The following OR9Q1 variants were observed in gnomAD, a reference collection of about 807,000 sequenced individuals.
The protein encoded by OR9Q1 is olfactory receptor family 9 subfamily Q member 1, also known as olfactory receptor 9Q1.
For missense variants in OR9Q1, 374 were observed against 378.8 expected, an observed-to-expected ratio of 0.99 and a Z score of 0.11; for synonymous variants, 153 against 148.6, an observed-to-expected ratio of 1.03 and a Z score of -0.22.
In OR9Q1 at chr11:58,054,058, T is replaced by C. The variant is rs557891480; in HGVS notation, c.-92-1812T>C. On this transcript the variant is annotated intron_variant, in intron 1 of 2. Coordinates refer to ENST00000335397, the MANE Select transcript of OR9Q1 (RefSeq NM_001005212.4). ...TTAATTAGTTTTATTATGGTAACCA[T>C]TACACAATGTATATGCCTATCAAAT... is the stretch of plus-strand genomic sequence containing the variant. 2.6e-5 allele frequency among the ~76,000 whole-genome samples: 4 copies of C among 152,304 alleles called. No homozygotes were observed. In the South Asian group the frequency reaches 8.3e-4, roughly 32 times the overall value.
In OR9Q1 at chr11:58,082,786, CT is replaced by C. The variant is rs535181024; in HGVS notation, c.-15+26846del. Among the ~76,000 whole-genome samples, 1,179 of 141,874 alleles carry C rather than the reference CT, an allele frequency of 8.3e-3. 14 individuals carry two copies. Among genetic ancestry groups the C allele is most frequent in the African/African-American group, 0.029 (1,105 of 37,628 alleles). The allele number at this position is 141,874 out of a possible 152,430, so 93.1% of individuals were successfully genotyped here. A position where few individuals can be genotyped will look rare whatever the true frequency, so the allele number is the denominator to read the frequency against. On this transcript the variant is annotated intron_variant, in intron 2 of 2. Transcript: ENST00000335397. ...TAATAATAATAAAAAGTTAGGTCTT[CT>C]TTTTTTAAAATTTTATTATTATTAT...
At chr11:58,084,368 A>G (rs1853615767) in intron 2 of OR9Q1, among the ~76,000 whole-genome samples, 1 of 151,870 alleles carries the variant, frequency 6.6e-6, no homozygotes, top group South Asian at 2.1e-4. Flanking sequence ...TAGATGTGCA[A>G]AGAACTGGTA....
intron 2 of OR9Q1, among the ~76,000 whole-genome samples, chr11:58,100,213 T>G (rs1481404650): frequency 6.6e-6 from 1 of 152,204 alleles, no homozygotes; most frequent in African/African-American, 2.4e-5. Context: ...TTTGCCACAT[T>G]TATTGTAGAC....
At chr11:58,064,984 A>G (rs1308420074) in intron 2 of OR9Q1, among the ~76,000 whole-genome samples, 1 of 152,070 alleles carries the variant, frequency 6.6e-6, no homozygotes, top group Non-Finnish European at 1.5e-5. Flanking sequence ...CTAGAGTTGG[A>G]CAAGGAGACA....
At chr11:58,058,249 C>T (rs1853346010) in intron 2 of OR9Q1, among the ~76,000 whole-genome samples, 1 of 152,128 alleles carries the variant, frequency 6.6e-6, no homozygotes, top group African/African-American at 2.4e-5. Flanking sequence ...GCCAGGTAGG[C>T]TTGGTAAGTG....
At chr11:58,132,039 G>A (rs1253146639) in intron 2 of OR9Q1, among the ~76,000 whole-genome samples, 1 of 152,104 alleles carries the variant, frequency 6.6e-6, no homozygotes, top group Non-Finnish European at 1.5e-5. Context: ...TGTTTTATAT[G>A]TATCATCTTC....
intron 2 of OR9Q1, among the ~76,000 whole-genome samples, chr11:58,107,037 A>T (rs546393257): frequency 6.6e-6 from 1 of 152,128 alleles, no homozygotes; most frequent in South Asian, 2.1e-4. Flanking sequence ...AATAGCATTA[A>T]ATTTGTAGAT....
chr11:58,165,585 C>T (rs949393265), intron 2 of OR9Q1, among the ~76,000 whole-genome samples: 1 of 152,174 alleles, frequency 6.6e-6, no homozygotes, highest in African/African-American at 2.4e-5. Flanking sequence ...TGTCTGTTTT[C>T]CCCAATGGGC....
chr11:58,155,301 A>T (rs1055346960), intron 2 of OR9Q1, among the ~76,000 whole-genome samples: 7 of 152,188 alleles, frequency 4.6e-5, no homozygotes, highest in African/African-American at 1.4e-4. Context: ...AAGTCAACTG[A>T]TTTAAATGTT....
chr11:58,180,270 C>G lies in OR9Q1; in HGVS notation c.826C>G (p.Leu276Val), dbSNP rs1302221607. The change falls in exon 3 of 3, where the codon CTT (leucine) becomes GTT (valine). Residue 276 changes from leucine (L) to valine (V), a missense_variant. Leu to Val is a conservative substitution (Grantham distance 32). Coordinates refer to ENST00000335397, the MANE Select transcript of OR9Q1 (RefSeq NM_001005212.4). ...SSEKNRVVSVLYTEVIPMLNP... is the reference protein window; with the variant it reads ...SSEKNRVVSVVYTEVIPMLNP... Reference sequence around the variant, plus strand: ...GGAGAAGAATCGGGTAGTGTCTGTGCTTTACACAGAGGTCATCCCCATGTT... The same window carrying G: ...GGAGAAGAATCGGGTAGTGTCTGTGGTTTACACAGAGGTCATCCCCATGTT... 4.3e-6 allele frequency: 7 copies of G among 1,613,060 alleles called. No homozygotes were observed. The highest frequency in any genetic ancestry group is 5.9e-6 in the Non-Finnish European group (7 of 1,179,050).
intron 2 of OR9Q1, chr11:58,171,626 G>A (rs1356801366): frequency 6.6e-6 from 1 of 152,236 alleles, no homozygotes; most frequent in Non-Finnish European, 1.5e-5. Flanking sequence ...GTTTTAGACT[G>A]TAGTGAACAC....
At chr11:58,127,966 T>A (rs1031817769) in intron 2 of OR9Q1, among the ~76,000 whole-genome samples, 2 of 152,328 alleles carry the variant, frequency 1.3e-5, no homozygotes, top group Non-Finnish European at 2.9e-5. Context: ...TTTCATTTTT[T>A]AATTTTTAAG....
At chr11:58,106,640 A>C (rs770855154) in intron 2 of OR9Q1, among the ~76,000 whole-genome samples, 10 of 152,248 alleles carry the variant, frequency 6.6e-5, no homozygotes, top group Middle Eastern at 3.4e-3. Context: ...CTTACATTTA[A>C]GTTTTTAATC....
intron 1 of OR9Q1, among the ~76,000 whole-genome samples, chr11:58,053,049 C>T (rs1346865006): frequency 6.6e-6 from 1 of 151,604 alleles, no homozygotes; most frequent in Non-Finnish European, 1.5e-5. Context: ...GGCGATTCCT[C>T]AGGGATCTAG....
At chr11:58,040,408 G>A (rs1853148956) in intron 1 of OR9Q1, among the ~76,000 whole-genome samples, 1 of 152,176 alleles carries the variant, frequency 6.6e-6, no homozygotes, top group African/African-American at 2.4e-5. Flanking sequence ...AGGAGGACAT[G>A]AACCAGGTCT....
chr11:58,120,513 G>A (rs1590601896), intron 2 of OR9Q1, among the ~76,000 whole-genome samples: 2 of 151,812 alleles, frequency 1.3e-5, no homozygotes, highest in African/African-American at 4.8e-5. Flanking sequence ...TCATGAATGA[G>A]TTCTTTAGTG....
chr11:58,134,822 T>A (rs977373707), intron 2 of OR9Q1, among the ~76,000 whole-genome samples: 7 of 152,212 alleles, frequency 4.6e-5, no homozygotes, highest in Admixed American at 1.3e-4. Context: ...CCTAGCCATA[T>A]GACACTTGGA....
intron 2 of OR9Q1, among the ~76,000 whole-genome samples, chr11:58,120,543 G>A (rs997593586): frequency 1.3e-5 from 2 of 151,528 alleles, no homozygotes; most frequent in African/African-American, 4.8e-5. Context: ...GAGATTTTTG[G>A]TATATCCATC....
chr11:58,157,821 G>A (rs1241375839), intron 2 of OR9Q1, among the ~76,000 whole-genome samples: 1 of 152,196 alleles, frequency 6.6e-6, no homozygotes, highest in Non-Finnish European at 1.5e-5. Flanking sequence ...CTGAAAACTG[G>A]AGAAGCAGAC....
Sources: allele counts gnomAD v4.1 joint callset (sites outside exome capture counted in the v4.1 genomes callset), GRCh38; gene constraint gnomAD v4.1.1; transcripts MANE v1.5; gene names NCBI Gene and HGNC (gene_info 2026-07-23, HGNC 2026-07-21).